CLVS1: variants seen among roughly 807,000 people sequenced by gnomAD.
CLVS1 encodes the protein clavesin 1, also known as clavesin-1.
A neutral mutation model predicts 33.1 loss-of-function variants in CLVS1; 10 were observed. The ratio of observed to expected loss-of-function variants is 0.30; its 90% CI spans 0.19 to 0.51. The LOEUF (loss-of-function observed/expected upper bound fraction) is 0.51, where lower values mean the gene tolerates loss of function less well. CLVS1 is among the 20% of genes least tolerant of loss of function. CLVS1 has a pLI of 0.97. For missense variants in CLVS1, 343 were observed against 433.4 expected (o/e 0.79, Z 1.85); for synonymous variants, 163 against 166.1 (o/e 0.98, Z 0.14).
chr8:61,377,305 G>A (rs999528092), intron 3 of CLVS1: 1 of 152,194 alleles, frequency 6.6e-6, no homozygotes, highest in African/African-American at 2.4e-5. Flanking sequence ...GAGGTTTTTG[G>A]GCTACATGGA....
At chr8:61,094,764 A>G (rs1805318289) in intron 1 of CLVS1, among the ~76,000 whole-genome samples, 1 of 152,230 alleles carries the variant, frequency 6.6e-6, no homozygotes, top group Admixed American at 6.5e-5. Context: ...CAAGCCAAGG[A>G]GAGAGGCCTC....
intron 2 of CLVS1, among the ~76,000 whole-genome samples, chr8:61,372,515 A>ATAG (rs1813481039): frequency 6.6e-6 from 1 of 152,142 alleles, no homozygotes; most frequent in South Asian, 2.1e-4. Flanking sequence ...TTTTCAGCTT[A>ATAG]TAGTAGTACA....
intron 2 of CLVS1, among the ~76,000 whole-genome samples, chr8:61,234,777 T>C (rs1047314163): frequency 3.2e-4 from 49 of 152,126 alleles, no homozygotes; most frequent in Admixed American, 6.5e-5. Context: ...GCCTAGCAGA[T>C]ATGGATCTCC....
intron 2 of CLVS1, among the ~76,000 whole-genome samples, chr8:61,314,762 TTTG>T (rs1056675489): frequency 1.3e-5 from 2 of 152,180 alleles, no homozygotes; most frequent in African/African-American, 4.8e-5. Context: ...TAATATCTTT[TTTG>T]TTGTTGTTGT....
the CLVS1 span, among the ~76,000 whole-genome samples, chr8:61,009,547 T>G: frequency 6.6e-6 from 1 of 151,278 alleles, no homozygotes; most frequent in Admixed American, 6.6e-5. Context: ...ACTTTTTTCA[T>G]ATATTTATTA....
intron 1 of CLVS1, among the ~76,000 whole-genome samples, chr8:61,120,166 G>A (rs1271569864): frequency 2.1e-5 from 3 of 144,640 alleles, no homozygotes; most frequent in African/African-American, 7.8e-5. Flanking sequence ...TGATCGCATC[G>A]GCTCCTGAGG....
the CLVS1 span, among the ~76,000 whole-genome samples, chr8:61,010,915 C>G: frequency 6.6e-6 from 1 of 152,212 alleles, no homozygotes; most frequent in African/African-American, 2.4e-5. Flanking sequence ...GGGGCTTCTG[C>G]GGTGCATCCC....
At position 61,500,237 on chromosome 8, in the gene CLVS1, T is replaced by A. The variant is rs1418159306; in HGVS notation, c.*695T>A. 1 of 152,304 alleles carries A rather than the reference T, an allele frequency of 6.6e-6. No homozygotes were observed. The highest frequency in any genetic ancestry group is 2.4e-5 in the African/African-American group (1 of 41,458). 9.4% of individuals were successfully genotyped at this position (152,304 alleles called of 1,614,324 possible). ...GACACATGGACGTGAAATACGATTATTTCATCTGAGCAATGTGAGTTACCA... is the reference window on the plus strand; with the variant it reads ...GACACATGGACGTGAAATACGATTAATTCATCTGAGCAATGTGAGTTACCA... On this transcript the variant is annotated 3_prime_UTR_variant, in exon 6 of 6. Transcript: ENST00000325897.
chr8:61,052,209 T>C (rs2129276269), upstream of CLVS1, among the ~76,000 whole-genome samples: 1 of 152,308 alleles, frequency 6.6e-6, no homozygotes, highest in African/African-American at 2.4e-5. Flanking sequence ...ATTGAACACA[T>C]AACAACTCCA....
chr8:60,975,641 C>T, the CLVS1 span, among the ~76,000 whole-genome samples: 1 of 152,176 alleles, frequency 6.6e-6, no homozygotes, highest in Admixed American at 6.5e-5. Flanking sequence ...TTTTGGACTT[C>T]TGGTCTCTAA....
chr8:61,215,060 A>AT (rs753426758), intron 2 of CLVS1, among the ~76,000 whole-genome samples: 1 of 150,884 alleles, frequency 6.6e-6, no homozygotes, highest in Non-Finnish European at 1.5e-5. Context: ...GCCTTTTATT[A>AT]TTTTTTTAAA....
chr8:60,967,405 C>T, the CLVS1 span, among the ~76,000 whole-genome samples: 64 of 152,156 alleles, frequency 4.2e-4, no homozygotes, highest in African/African-American at 1.4e-3. Flanking sequence ...AAGCTCTGCA[C>T]TGGGCGGTGA....
intron 3 of CLVS1, among the ~76,000 whole-genome samples, chr8:61,387,012 C>T (rs1019141155): frequency 2.0e-5 from 3 of 152,140 alleles, no homozygotes; most frequent in Admixed American, 6.5e-5. Flanking sequence ...TTGTGTTCCA[C>T]CATGGGAGAA....
At chr8:61,271,924 G>A (rs1203877882) in intron 2 of CLVS1, among the ~76,000 whole-genome samples, 1 of 151,704 alleles carries the variant, frequency 6.6e-6, no homozygotes, top group Non-Finnish European at 1.5e-5. Flanking sequence ...CACGTGAGAT[G>A]GGTTTCCTGA....
chr8:61,146,366 G>T (rs1806417998), intron 2 of CLVS1, among the ~76,000 whole-genome samples: 1 of 152,176 alleles, frequency 6.6e-6, no homozygotes, highest in Non-Finnish European at 1.5e-5. Flanking sequence ...CATAGAAAAG[G>T]AGGAAGGGGT....
At chr8:61,360,873 A>G (rs1330052882) in intron 2 of CLVS1, among the ~76,000 whole-genome samples, 1 of 152,042 alleles carries the variant, frequency 6.6e-6, no homozygotes, top group Non-Finnish European at 1.5e-5. Flanking sequence ...TTGTACTTCT[A>G]TAAAGAAATA....
At chr8:61,263,004 G>C (rs921256609) in intron 2 of CLVS1, among the ~76,000 whole-genome samples, 7 of 152,160 alleles carry the variant, frequency 4.6e-5, no homozygotes, top group Non-Finnish European at 7.3e-5. Flanking sequence ...CATTGTCTCA[G>C]GGCAGGAAGA....
intron 2 of CLVS1, among the ~76,000 whole-genome samples, chr8:61,245,769 G>A (rs1380939367): frequency 6.6e-6 from 1 of 150,514 alleles, no homozygotes; most frequent in Non-Finnish European, 1.5e-5. Context: ...TTATTAGCTT[G>A]GTAGCTATAC....
intron 1 of CLVS1, 139 bp downstream of exon 1, chr8:61,288,277 C>T (rs771644464): frequency 4.4e-6 from 2 of 456,300 alleles, no homozygotes; most frequent in African/African-American, 2.0e-5. Context: ...GCACTCCATC[C>T]CTCCCGCACC....
Sources: allele counts gnomAD v4.1 joint callset (sites outside exome capture counted in the v4.1 genomes callset), GRCh38; gene constraint gnomAD v4.1.1; transcripts MANE v1.5; gene names NCBI Gene and HGNC (gene_info 2026-07-23, HGNC 2026-07-21).